The following LYZL6 variants were observed in gnomAD, a reference collection of about 807,000 sequenced individuals.
LYZL6 encodes lysozyme-like protein 6.
In LYZL6, 21 loss-of-function variants were observed where a neutral mutation model predicts 15.0. The ratio of observed to expected loss-of-function variants is 1.40; its 90% CI spans 1.00 to 2.02. The LOEUF (loss-of-function observed/expected upper bound fraction) is 2.02. LYZL6 is among the 30% of genes most tolerant of loss of function. The probability of loss-of-function intolerance (pLI) is 0.00; values close to 1 mark genes in which losing one functional copy is unlikely to be tolerated. For missense variants in LYZL6, 173 were observed against 180.5 expected (o/e 0.96, Z 0.24); for synonymous variants, 72 against 67.8 (o/e 1.06, Z -0.31).
At position 35,934,836 on chromosome 17, in the gene LYZL6, C is replaced by T. The variant is rs113753865; in HGVS notation, c.407G>A (p.Arg136Gln). The change falls in exon 5 of 5, where the codon CGG becomes CAG. Residue 136 changes from arginine (R) to glutamine (Q), a missense_variant. Coordinates refer to ENST00000615905, the MANE Select transcript of LYZL6 (RefSeq NM_020426.4). ...WVEWRLHCSG[R>Q]PLFYWLTGCR... is the part of the protein sequence containing the mutation. Reference sequence around the variant, plus strand: ...TCCTGTCAGCCAGTAGAAGAGTGGCCGGCCTGAACAGTGCAACCTCCATTC... The same window carrying T: ...TCCTGTCAGCCAGTAGAAGAGTGGCTGGCCTGAACAGTGCAACCTCCATTC... The T allele has an allele frequency of 1.6e-3, 2,606 of 1,614,028 alleles. 54 individuals carry two copies. The African/African-American group carries it at 0.031, about 19-fold the overall frequency.
chr17:35,942,935 G>A (rs545213145), intron 1 of LYZL6, among the ~76,000 whole-genome samples: 4 of 152,328 alleles, frequency 2.6e-5, no homozygotes, highest in South Asian at 4.2e-4. Context: ...AGTTGATGTG[G>A]TCGGGAATGG....
chr17:35,935,913 A>C (rs1257284428), intron 4 of LYZL6, among the ~76,000 whole-genome samples: 1 of 151,636 alleles, frequency 6.6e-6, no homozygotes, highest in African/African-American at 2.4e-5. Context: ...TCCCAGGTTC[A>C]AGCGATTCTT....
Position 35,934,741 on chromosome 17 carries a change from C to T in LYZL6, c.*55G>A. 4 of 1,503,894 alleles carry T rather than the reference C, an allele frequency of 2.7e-6. No homozygotes were observed. The highest frequency in any genetic ancestry group is 3.7e-6 in the Non-Finnish European group (4 of 1,082,930). 93.2% of individuals were successfully genotyped at this position (1,503,894 alleles called of 1,614,324 possible). On this transcript the variant is annotated 3_prime_UTR_variant, in exon 5 of 5. Coordinates refer to ENST00000615905, the MANE Select transcript of LYZL6 (RefSeq NM_020426.4). ...GCAGTAGGAAGAAGAAATGAAGAAT[C>T]CCTGAGTGAGGACAGGAGTCTTGGA...
Position 35,939,544 on chromosome 17 carries a change from C to A in LYZL6, c.-188G>T, listed in dbSNP as rs2089408686. ...TATTATTTTATAGATTTTTATTTAT[C>A]ATGGAAAATTAAACCTTTAAAAAAG... On this transcript the variant is annotated 5_prime_UTR_variant, in exon 2 of 5. It removes an upstream start codon present in the reference 5' UTR. Coordinates refer to ENST00000615905, the MANE Select transcript of LYZL6 (RefSeq NM_020426.4). The A allele has an allele frequency of 4.3e-6, 2 of 461,754 alleles. No homozygotes were observed. The highest frequency in any genetic ancestry group is 1.3e-4 in the South Asian group (2 of 15,272). 28.6% of individuals were successfully genotyped at this position (461,754 alleles called of 1,614,324 possible).
At chr17:35,941,650 GC>G (rs2089425426) in intron 1 of LYZL6, among the ~76,000 whole-genome samples, 1 of 152,012 alleles carries the variant, frequency 6.6e-6, no homozygotes, top group South Asian at 2.1e-4. Flanking sequence ...GAATCCATGA[GC>G]CCATAATAAT....
intron 2 of LYZL6, among the ~76,000 whole-genome samples, chr17:35,938,290 A>C (rs2089394309): frequency 6.6e-6 from 1 of 152,196 alleles, no homozygotes; most frequent in African/African-American, 2.4e-5. Context: ...CCTTGTAATA[A>C]GCTTGTATGT....
chr17:35,935,466 A>T (rs751389902), intron 4 of LYZL6, among the ~76,000 whole-genome samples: 2 of 151,960 alleles, frequency 1.3e-5, no homozygotes, highest in Non-Finnish European at 2.9e-5. Context: ...CCCAGGCTGG[A>T]GTGCAGTGGC....
At chr17:35,936,734 G>A in intron 4 of LYZL6, 21 bp downstream of exon 4, 3 of 1,609,694 alleles carry the variant, frequency 1.9e-6, no homozygotes, top group Non-Finnish European at 2.5e-6. Flanking sequence ...TGCCCGCTGA[G>A]TCCCACCGTG....
chr17:35,937,677 G>A, intron 3 of LYZL6, 81 bp downstream of exon 3: 1 of 1,474,918 alleles, frequency 6.8e-7, no homozygotes, highest in South Asian at 1.3e-5. Flanking sequence ...GCCATTCCCA[G>A]GCTGTGGGTG....
chr17:35,941,658 T>C (rs2089425508), intron 1 of LYZL6, among the ~76,000 whole-genome samples: 1 of 152,150 alleles, frequency 6.6e-6, no homozygotes, highest in Non-Finnish European at 1.5e-5. Flanking sequence ...GAGCCCATAA[T>C]AATAATAAAT....
At chr17:35,938,154 C>A (rs1183141255) in intron 2 of LYZL6, among the ~76,000 whole-genome samples, 1 of 152,204 alleles carries the variant, frequency 6.6e-6, no homozygotes, top group Non-Finnish European at 1.5e-5. Flanking sequence ...TTACTGAGCA[C>A]CTACTGTGTG....
At chr17:35,935,462 C>T (rs779939008) in intron 4 of LYZL6, among the ~76,000 whole-genome samples, 2 of 152,112 alleles carry the variant, frequency 1.3e-5, no homozygotes, top group Non-Finnish European at 2.9e-5. Context: ...GTCACCCAGG[C>T]TGGAGTGCAG....
rs1052266 is a variant in LYZL6, at chr17:35,937,858, T to C, written c.198A>G (p.Ala66=). 143,875 of 1,613,992 alleles carry C rather than the reference T, an allele frequency of 0.089. 7,215 individuals carry two copies. Among genetic ancestry groups the C allele is most frequent in the Admixed American group, 0.19 (11,156 of 60,008 alleles). Residue 66 remains alanine (A), a synonymous_variant, in exon 3 of 5, where the codon GCA becomes GCG. Coordinates refer to ENST00000615905, the MANE Select transcript of LYZL6 (RefSeq NM_020426.4). The part of the protein sequence containing the change: ...KFNISKINEN[A]DGSFDYGLFQ... ...AGAGGCCATAGTCAAAGCTTCCGTCTGCATTTTCATTTATCTTTGATATGT... is the reference window on the plus strand; with the variant it reads ...AGAGGCCATAGTCAAAGCTTCCGTCCGCATTTTCATTTATCTTTGATATGT...
rs547394427 is a variant in LYZL6 at position 35,937,640 on chromosome 17, C to T, written c.298+118G>A. ...AGCCCTCTGCTCAGTAAAGGGATTC[C>T]CTGATTTTTTGAACCATATTTCTGG... On this transcript the variant is annotated intron_variant, in intron 3 of 4. Transcript: ENST00000615905. 27 of 1,138,352 alleles carry T rather than the reference C, an allele frequency of 2.4e-5. No homozygotes were observed. The East Asian group carries it at 6.0e-4, about 25-fold the overall frequency. 70.5% of individuals were successfully genotyped at this position (1,138,352 alleles called of 1,614,324 possible).
intron 1 of LYZL6, among the ~76,000 whole-genome samples, chr17:35,942,298 C>A (rs964647061): frequency 2.0e-5 from 3 of 152,208 alleles, no homozygotes; most frequent in Non-Finnish European, 2.9e-5. Context: ...CATCTCTACA[C>A]TAAAAAGAAA....
At chr17:35,935,052 T>C (rs544536051) in intron 4 of LYZL6, among the ~76,000 whole-genome samples, 187 bp from the exon 5 acceptor site, 46 of 152,242 alleles carry the variant, frequency 3.0e-4, no homozygotes, top group African/African-American at 9.9e-4. Context: ...CTCTGGTGTT[T>C]GCCTGCTTCC....
rs760291500 is a variant in LYZL6 at position 35,939,367 on chromosome 17, G to A, written c.-11C>T. The A allele has an allele frequency of 1.3e-5, 21 of 1,613,760 alleles. No individual in the cohort carries two copies. Among genetic ancestry groups the A allele is most frequent in the Admixed American group, 1.7e-5 (1 of 59,998 alleles). ...TAGCGCCTTTGTCATCCTTGGAGGG[G>A]AGGAGGTGCAGCTGAGGGCTGATGG... On this transcript the variant is annotated 5_prime_UTR_variant, in exon 2 of 5. Transcript: ENST00000615905.
intron 1 of LYZL6, among the ~76,000 whole-genome samples, chr17:35,942,937 C>T (rs754483874): frequency 6.6e-6 from 1 of 152,118 alleles, no homozygotes; most frequent in South Asian, 2.1e-4. Context: ...TTGATGTGGT[C>T]GGGAATGGGG....
rs1462735279 is a variant in LYZL6 at position 35,939,297 on chromosome 17, G to A, written c.60C>T (p.Ser20=). 6.2e-7 allele frequency: 1 copy of A among 1,614,138 alleles called. No individual in the cohort carries two copies. The highest frequency in any genetic ancestry group is 1.7e-5 in the Admixed American group (1 of 60,020). ...GGGCCAAGTCACAGCGACTGATGAGGCTGGCCTGATTTAGGGCAAGAAAGC... is the reference window on the plus strand; with the variant it reads ...GGGCCAAGTCACAGCGACTGATGAGACTGGCCTGATTTAGGGCAAGAAAGC... ...VSSFLALNQA[S]LISRCDLAQV... Residue 20 remains serine, a synonymous_variant, in exon 2 of 5, where the codon AGC becomes AGT. Coordinates refer to ENST00000615905, the MANE Select transcript of LYZL6 (RefSeq NM_020426.4).
Sources: allele counts gnomAD v4.1 joint callset (sites outside exome capture counted in the v4.1 genomes callset), GRCh38; gene constraint gnomAD v4.1.1; transcripts MANE v1.5; gene names NCBI Gene and HGNC (gene_info 2026-07-23, HGNC 2026-07-21).